Variants in TXNL1 observed in about 807,000 individuals in gnomAD.
The protein encoded by TXNL1 is thioredoxin like 1.
Under a neutral mutation model 35.5 loss-of-function variants are expected in TXNL1, and 14 were observed. That is an observed-to-expected ratio of 0.39 (90% confidence interval 0.26 to 0.62). TXNL1 has a LOEUF of 0.62. Among genes scored for constraint, TXNL1 ranks in the 20% least tolerant of loss-of-function variants. The pLI is 0.47. For missense variants in TXNL1, 263 were observed against 349.7 expected, an observed-to-expected ratio of 0.75 and a Z score of 1.98; for synonymous variants, 110 against 115.5, an observed-to-expected ratio of 0.95 and a Z score of 0.31.
In TXNL1 at chr18:56,598,115, T is replaced by G. The variant is rs1342956511; in HGVS notation, c.*4912A>C. The stretch of plus-strand genomic sequence containing the variant: ...CTATGCACTTTTCCTTTACTTCAGC[T>G]AAATTATCTTCCTTACCTTCCTCAA... On this transcript the variant is annotated 3_prime_UTR_variant, in exon 8 of 8. Transcript: ENST00000217515. The G allele has an allele frequency of 6.6e-6, 1 of 152,240 alleles. No individual in the cohort carries two copies. The highest frequency in any genetic ancestry group is 6.5e-5 in the Admixed American group (1 of 15,274). 9.4% of individuals were successfully genotyped at this position (152,240 alleles called of 1,614,324 possible). A position where few individuals can be genotyped will look rare whatever the true frequency, so the allele number is the denominator to read the frequency against.
intron 6 of TXNL1, among the ~76,000 whole-genome samples, chr18:56,612,450 A>G (rs1482448406): frequency 1.3e-5 from 2 of 152,116 alleles, no homozygotes; most frequent in African/African-American, 4.8e-5. Flanking sequence ...TAAAAGTTTT[A>G]CTCATTGATC....
At chr18:56,632,483 A>C (rs1308764242) in intron 1 of TXNL1, among the ~76,000 whole-genome samples, 1 of 152,224 alleles carries the variant, frequency 6.6e-6, no homozygotes, top group African/African-American at 2.4e-5. Context: ...TCTAAAAAAC[A>C]ACAAATTAGT....
chr18:56,624,922 G>A (rs1175831637), intron 2 of TXNL1, among the ~76,000 whole-genome samples: 1 of 152,048 alleles, frequency 6.6e-6, no homozygotes, highest in East Asian at 1.9e-4. Flanking sequence ...CACTGCAACC[G>A]TCACCCAATT....
chr18:56,616,600 A>G (rs2024091061), intron 4 of TXNL1, among the ~76,000 whole-genome samples: 1 of 152,246 alleles, frequency 6.6e-6, no homozygotes, highest in African/African-American at 2.4e-5. Context: ...TAAACTGGCA[A>G]GCAACCTGCT....
chr18:56,604,196 A>G (rs2023853222), intron 7 of TXNL1, among the ~76,000 whole-genome samples: 2 of 152,172 alleles, frequency 1.3e-5, no homozygotes, highest in African/African-American at 4.8e-5. Context: ...AGGCAGTTTC[A>G]TATAAAAGAA....
chr18:56,614,334 T>C lies in TXNL1; in HGVS notation c.735+90A>G, dbSNP rs1191928312. On this transcript the variant is annotated intron_variant, in intron 6 of 7. Transcript: ENST00000217515. ...TCAAACTGAGTGAATAAATACCACT[T>C]TAAAGAATCACTTAGACTTACCTAG... 2.5e-6 allele frequency: 3 copies of C among 1,185,104 alleles called. No individual in the cohort carries two copies. The South Asian group carries it at 4.9e-5, about 19-fold the overall frequency. The allele number at this position is 1,185,104 out of a possible 1,614,324, so 73.4% of individuals were successfully genotyped here. A position where few individuals can be genotyped will look rare whatever the true frequency, so the allele number is the denominator to read the frequency against.
At chr18:56,610,051 G>A (rs923663065) in intron 7 of TXNL1, 22 of 152,108 alleles carry the variant, frequency 1.4e-4, no homozygotes. Context: ...AAAAGAATGA[G>A]AGTGCTCAAG....
rs2023833758 is a variant in TXNL1 at position 56,603,076 on chromosome 18, T to A, written c.841-20A>T. Reference sequence around the variant, plus strand: ...AACTACCTAGAAAAACAAAAATAAGTTTATATGTACATCCTATTGATTTTA... The same window carrying A: ...AACTACCTAGAAAAACAAAAATAAGATTATATGTACATCCTATTGATTTTA... On this transcript the variant is annotated intron_variant, in intron 7 of 7. Transcript: ENST00000217515. 3 of 1,600,666 alleles carry A rather than the reference T, an allele frequency of 1.9e-6. No homozygotes were observed.
At position 56,618,310 on chromosome 18, in the gene TXNL1, G is replaced by A. The variant is rs187369432; in HGVS notation, c.370-184C>T. 1.4e-3 allele frequency among the ~76,000 whole-genome samples: 210 copies of A among 152,240 alleles called. 3 individuals carry two copies. The highest frequency in any genetic ancestry group is 3.4e-3 in the Middle Eastern group (1 of 294). On this transcript the variant is annotated intron_variant, in intron 3 of 7. Coordinates refer to ENST00000217515, the MANE Select transcript of TXNL1 (RefSeq NM_004786.3). ...CTGAGATCTACCATCAATTATTAAA[G>A]CCAAGTCTAGGCTTAGCCTACTTGA... is the stretch of plus-strand genomic sequence containing the variant.
intron 1 of TXNL1, among the ~76,000 whole-genome samples, chr18:56,633,659 T>G (rs1016755160): frequency 2.0e-5 from 3 of 149,982 alleles, no homozygotes; most frequent in African/African-American, 7.3e-5. Context: ...TGGTAAACAT[T>G]ATCTACAAAA....
chr18:56,615,663 G>A (rs2024074452), intron 5 of TXNL1, among the ~76,000 whole-genome samples: 1 of 152,062 alleles, frequency 6.6e-6, no homozygotes, highest in African/African-American at 2.4e-5. Context: ...CTAAAATACG[G>A]CTGCTCAAAA....
At chr18:56,611,913 A>G (rs567940285) in intron 6 of TXNL1, among the ~76,000 whole-genome samples, 1 of 144,602 alleles carries the variant, frequency 6.9e-6, no homozygotes, top group South Asian at 2.2e-4. Flanking sequence ...CAGTGGTGCC[A>G]TCTCAGCTCA....
chr18:56,627,624 T>G (rs2024307005), intron 1 of TXNL1, among the ~76,000 whole-genome samples: 2 of 152,176 alleles, frequency 1.3e-5, no homozygotes. Flanking sequence ...AAACTTGATG[T>G]AGCATTGCAG....
chr18:56,636,689 A>G (rs1222489558), intron 1 of TXNL1, among the ~76,000 whole-genome samples: 1 of 152,172 alleles, frequency 6.6e-6, no homozygotes, highest in Non-Finnish European at 1.5e-5. Context: ...CTTCCTTCGC[A>G]GCAATGTTTC....
Position 56,601,165 on chromosome 18 carries a change from A to G in TXNL1, c.*1862T>C, listed in dbSNP as rs1467929121. 6.6e-6 allele frequency: 1 copy of G among 152,176 alleles called. No individual in the cohort carries two copies. The highest frequency in any genetic ancestry group is 2.4e-5 in the African/African-American group (1 of 41,450). 9.4% of individuals were successfully genotyped at this position (152,176 alleles called of 1,614,324 possible). ...TAGGAGAAAACAGCATTTCAGTTTGATATTTTAAATGCCAATTATGCACAT... is the reference window on the plus strand; with the variant it reads ...TAGGAGAAAACAGCATTTCAGTTTGGTATTTTAAATGCCAATTATGCACAT... On this transcript the variant is annotated 3_prime_UTR_variant, in exon 8 of 8. Coordinates refer to ENST00000217515, the MANE Select transcript of TXNL1 (RefSeq NM_004786.3).
intron 3 of TXNL1, among the ~76,000 whole-genome samples, chr18:56,620,298 A>C (rs1184492007): frequency 6.6e-6 from 1 of 152,202 alleles, no homozygotes; most frequent in East Asian, 1.9e-4. Flanking sequence ...GTTTACTAAC[A>C]CTTTATTTAA....
Position 56,602,860 on chromosome 18 carries a change from C to T in TXNL1, c.*167G>A, listed in dbSNP as rs1178705524. On this transcript the variant is annotated 3_prime_UTR_variant, in exon 8 of 8. Coordinates refer to ENST00000217515, the MANE Select transcript of TXNL1 (RefSeq NM_004786.3). ...AAGTGGTGACTTTTATTTACAATTG[C>T]ATGTGTCAAGATTACAATGGAAACA... is the stretch of plus-strand genomic sequence containing the variant. 2.7e-6 allele frequency: 2 copies of T among 739,214 alleles called. No homozygotes were observed. Among genetic ancestry groups the T allele is most frequent in the Non-Finnish European group, 4.5e-6 (2 of 444,462 alleles). The allele number at this position is 739,214 out of a possible 1,614,324, so 45.8% of individuals were successfully genotyped here.
At chr18:56,605,109 C>T (rs2023868787) in intron 7 of TXNL1, 1 of 149,270 alleles carries the variant, frequency 6.7e-6, no homozygotes, top group Admixed American at 6.7e-5. Flanking sequence ...AAAACAAAAG[C>T]CAAAACAAAA....
chr18:56,638,058 G>A (rs367628564), intron 1 of TXNL1, among the ~76,000 whole-genome samples: 57 of 152,316 alleles, frequency 3.7e-4, no homozygotes, highest in African/African-American at 1.1e-3. Context: ...AATAGGGGCG[G>A]GCCACCCCCA....
Sources: gnomAD v4.1 joint callset for allele counts (sites outside exome capture counted in the v4.1 genomes callset) on GRCh38, gnomAD v4.1.1 for gene constraint, MANE v1.5 for transcripts, NCBI Gene and HGNC (gene_info 2026-07-23, HGNC 2026-07-21) for gene names.